The following LIMCH1 variants were observed in gnomAD, a reference collection of about 807,000 sequenced individuals.
LIMCH1 encodes LIM and calponin homology domains 1.
Under a neutral mutation model 176.5 loss-of-function variants are expected in LIMCH1, and 113 were observed. The observed-to-expected ratio is 0.64, with a 90% CI of 0.55 to 0.75. The LOEUF is 0.75. Among genes scored for constraint, LIMCH1 ranks in the 30% least tolerant of loss-of-function variants. The pLI, the probability that LIMCH1 is intolerant of heterozygous loss-of-function variation, is 0.00. For missense variants in LIMCH1, 1,674 were observed against 1,814.9 expected, an observed-to-expected ratio of 0.92 and a Z score of 1.41; for synonymous variants, 619 against 645.9, an observed-to-expected ratio of 0.96 and a Z score of 0.63.
chr4:41,603,755 A>G, intron 2 of LIMCH1, 120 bp from the exon 3 acceptor site: 1 of 636,170 alleles, frequency 1.6e-6, no homozygotes, highest in South Asian at 2.7e-5. Flanking sequence ...AAAAAATAAT[A>G]CATTCTTCTG....
intron 1 of LIMCH1, among the ~76,000 whole-genome samples, chr4:41,566,082 A>T (rs2082726496): frequency 6.6e-6 from 1 of 152,234 alleles, no homozygotes; most frequent in South Asian, 2.1e-4. Flanking sequence ...TTCATCCCTG[A>T]ACTCTTAACC....
intron 1 of LIMCH1, among the ~76,000 whole-genome samples, chr4:41,591,845 A>G (rs1199937363): frequency 6.6e-6 from 1 of 152,220 alleles, no homozygotes; most frequent in South Asian, 2.1e-4. Context: ...GGTTGGGCAC[A>G]GAAGGGAGCT....
rs138902410 is a variant in LIMCH1 at position 41,456,544 on chromosome 4, C to T, written c.97-37992C>T. 2.3e-3 allele frequency among the ~76,000 whole-genome samples: 342 copies of T among 151,976 alleles called. 3 individuals are homozygous for T. The highest frequency in any genetic ancestry group is 7.0e-3 in the African/African-American group (291 of 41,544). On this transcript the variant is annotated intron_variant, in intron 1 of 26. Transcript: ENST00000313860. ...ACCAGTGTTGCAGTTTTGACAGAGACGCTAAGGCAGAGGGAGGGAGGAGAT... is the reference window on the plus strand; with the variant it reads ...ACCAGTGTTGCAGTTTTGACAGAGATGCTAAGGCAGAGGGAGGGAGGAGAT...
intron 1 of LIMCH1, among the ~76,000 whole-genome samples, chr4:41,378,849 G>A (rs991618590): frequency 6.6e-6 from 1 of 152,086 alleles, no homozygotes; most frequent in African/African-American, 2.4e-5. Context: ...GGAGAGACTT[G>A]GACATATTAG....
At chr4:41,387,063 A>G (rs1469233041) in intron 1 of LIMCH1, among the ~76,000 whole-genome samples, 6 of 152,210 alleles carry the variant, frequency 3.9e-5, no homozygotes, top group African/African-American at 1.2e-4. Flanking sequence ...AAAGAATAAA[A>G]CAGTTTGTGG....
Position 41,697,377 on chromosome 4 carries a change from T to A in LIMCH1, c.*192T>A. ...TTCCTGTTTATTGTTTTGGTTTTTT[T>A]TTTTTTTTTGCATTTGCACAGTATA... On this transcript the variant is annotated 3_prime_UTR_variant, in exon 32 of 32. Coordinates refer to ENST00000503057, the MANE Select transcript of LIMCH1 (RefSeq NM_001330672.2). 1 of 578,006 alleles carries A rather than the reference T, an allele frequency of 1.7e-6. No homozygotes were observed. The highest frequency in any genetic ancestry group is 3.1e-6 in the Non-Finnish European group (1 of 327,002). The allele number at this position is 578,006 out of a possible 1,614,324, so 35.8% of individuals were successfully genotyped here. A position where few individuals can be genotyped will look rare whatever the true frequency, so the allele number is the denominator to read the frequency against.
At chr4:41,381,113 AG>A (rs2055595187) in intron 1 of LIMCH1, among the ~76,000 whole-genome samples, 1 of 152,252 alleles carries the variant, frequency 6.6e-6, no homozygotes, top group African/African-American at 2.4e-5. Flanking sequence ...ACTGAATGCC[AG>A]GCACTGAATG....
At chr4:41,597,300 C>G (rs1240720944) in intron 1 of LIMCH1, among the ~76,000 whole-genome samples, 2 of 151,992 alleles carry the variant, frequency 1.3e-5, no homozygotes, top group African/African-American at 4.8e-5. Context: ...ACTCATCTGC[C>G]AAAATTTTTC....
In LIMCH1 at chr4:41,685,696, T is replaced by A; in HGVS notation, c.3968-14T>A. ...TTACTGTGCACTACATTTATGTTCT[T>A]TAATTGGCCTCAGATCCATCCCAGA... On this transcript the variant is annotated splice_polypyrimidine_tract_variant and intron_variant, in intron 27 of 31. Coordinates refer to ENST00000503057, the MANE Select transcript of LIMCH1 (RefSeq NM_001330672.2). The A allele has an allele frequency of 6.2e-7, 1 of 1,613,132 alleles. No homozygotes were observed. The highest frequency in any genetic ancestry group is 8.5e-7 in the Non-Finnish European group (1 of 1,179,402).
At chr4:41,510,612 G>T (rs2154183941) in intron 2 of LIMCH1, among the ~76,000 whole-genome samples, 1 of 151,870 alleles carries the variant, frequency 6.6e-6, no homozygotes, top group Admixed American at 6.5e-5. Flanking sequence ...TTTTGAGATG[G>T]AGTTTCATTC....
chr4:41,504,739 C>T (rs1274595444), intron 2 of LIMCH1, among the ~76,000 whole-genome samples: 1 of 152,224 alleles, frequency 6.6e-6, no homozygotes, highest in Non-Finnish European at 1.5e-5. Flanking sequence ...TTCCCCACTC[C>T]TTTCTTCCAT....
chr4:41,362,295 C>G (rs2052228001), intron 1 of LIMCH1, among the ~76,000 whole-genome samples: 1 of 152,212 alleles, frequency 6.6e-6, no homozygotes, highest in Non-Finnish European at 1.5e-5. Flanking sequence ...CCAGGCATGT[C>G]TCATAATTTG....
intron 1 of LIMCH1, among the ~76,000 whole-genome samples, chr4:41,480,276 G>T (rs903981676): frequency 1.6e-5 from 2 of 126,388 alleles, no homozygotes; most frequent in Non-Finnish European, 3.1e-5. Context: ...ACTTCATTAT[G>T]CTGAAGGCTA....
At chr4:41,463,042 G>T (rs2065601708) in intron 1 of LIMCH1, among the ~76,000 whole-genome samples, 1 of 133,206 alleles carries the variant, frequency 7.5e-6, no homozygotes, top group Non-Finnish European at 1.5e-5. Context: ...CTTGGGGTGA[G>T]GTTGCTTGGG....
chr4:41,603,771 A>G lies in LIMCH1; in HGVS notation c.-133-104A>G, dbSNP rs2090311196. The stretch of plus-strand genomic sequence containing the variant: ...AAAAATAATACATTCTTCTGATTTC[A>G]TTATATATGTTAGCTTCAAGTACAT... On this transcript the variant is annotated intron_variant, in intron 2 of 31. Coordinates refer to ENST00000503057, the MANE Select transcript of LIMCH1 (RefSeq NM_001330672.2). The G allele has an allele frequency of 4.0e-6, 3 of 742,388 alleles. No homozygotes were observed. The Admixed American group carries it at 6.9e-5, about 17-fold the overall frequency. 46.0% of individuals were successfully genotyped at this position (742,388 alleles called of 1,614,324 possible). A position where few individuals can be genotyped will look rare whatever the true frequency, so the allele number is the denominator to read the frequency against.
chr4:41,645,649 T>TACA (rs1449110971), intron 15 of LIMCH1, among the ~76,000 whole-genome samples: 5 of 152,180 alleles, frequency 3.3e-5, no homozygotes, highest in African/African-American at 9.7e-5. Flanking sequence ...ATCAGATGAA[T>TACA]TAATACATAT....
At chr4:41,627,120 G>C (rs1231656664) in intron 8 of LIMCH1, 110 bp downstream of exon 8, 2 of 1,367,718 alleles carry the variant, frequency 1.5e-6, no homozygotes, top group African/African-American at 2.9e-5. Context: ...ACCCCCTCCA[G>C]TTCCTCTTTC....
intron 1 of LIMCH1, among the ~76,000 whole-genome samples, chr4:41,488,043 C>T (rs2070028733): frequency 6.6e-6 from 1 of 151,796 alleles, no homozygotes; most frequent in South Asian, 2.1e-4. Context: ...ATCTGTGGTT[C>T]TGTCTCTAGA....
intron 1 of LIMCH1, among the ~76,000 whole-genome samples, chr4:41,381,044 C>T (rs2055584293): frequency 6.6e-6 from 1 of 152,174 alleles, no homozygotes; most frequent in African/African-American, 2.4e-5. Context: ...TTCATTTATT[C>T]AATAAACAGA....
Sources: gnomAD v4.1 joint callset for allele counts (sites outside exome capture counted in the v4.1 genomes callset) on GRCh38, gnomAD v4.1.1 for gene constraint, MANE v1.5 for transcripts, NCBI Gene and HGNC (gene_info 2026-07-23, HGNC 2026-07-21) for gene names.